NOD1: variants seen among roughly 807,000 people sequenced by gnomAD.
NOD1 encodes nucleotide-binding oligomerization domain-containing protein 1.
NOD1 carries 70 observed loss-of-function variants against 81.2 expected under a neutral mutation model. The observed-to-expected ratio is 0.86, with a 90% CI of 0.71 to 1.05. The LOEUF is 1.05. NOD1 is among the 50% of genes least tolerant of loss of function. NOD1 has a pLI of 0.00. For missense variants in NOD1, 1,233 were observed against 1,228.0 expected, an observed-to-expected ratio of 1.00 and a Z score of -0.06; for synonymous variants, 508 against 526.9, an observed-to-expected ratio of 0.96 and a Z score of 0.49.
rs1785649554 is a variant in NOD1 at position 30,451,140 on chromosome 7, CATG to C, written c.2201+73_2201+75del. ...TCATGAGTCCTGGGGGATCCTGGTC[CATG>C]ATGCCATTCCCGATGCCCTCCGAGC... On this transcript the variant is annotated intron_variant, in intron 6 of 13. Transcript: ENST00000222823. The surrounding 1 kb of genome is among the most constrained non-coding windows in gnomAD (Gnocchi z 4.2). 1.3e-6 allele frequency: 2 copies of C among 1,498,934 alleles called. No individual in the cohort carries two copies. Among genetic ancestry groups the C allele is most frequent in the Admixed American group, 1.9e-5 (1 of 51,554 alleles). 92.9% of individuals were successfully genotyped at this position (1,498,934 alleles called of 1,614,324 possible).
In NOD1 at chr7:30,452,007, G is replaced by GC; in HGVS notation, c.1409dup (p.Met471HisfsTer39). On this transcript the variant is annotated frameshift_variant, in exon 6 of 14. Transcript: ENST00000222823. LOFTEE classifies it high-confidence loss of function. ...TGAAGACAAAGAGGCTCTTCTCCAT[G>GC]CCCCGGTGGGCCACCTGCCCCAGCG... 2.5e-6 allele frequency: 4 copies of GC among 1,613,484 alleles called. No homozygotes were observed. Among genetic ancestry groups the GC allele is most frequent in the Non-Finnish European group, 3.4e-6 (4 of 1,179,968 alleles).
At chr7:30,425,780 G>T (rs1194092160) in intron 13 of NOD1, 70 bp from the exon 14 acceptor site, 4 of 1,039,514 alleles carry the variant, frequency 3.8e-6, no homozygotes, top group African/African-American at 1.6e-5. Flanking sequence ...CCTTCCCAAG[G>T]TGTGTTCATA....
chr7:30,426,605 G>T (rs741889), intron 13 of NOD1, among the ~76,000 whole-genome samples: 21,625 of 151,804 alleles, frequency 0.14, 3,709 homozygotes, highest in African/African-American at 0.42. Context: ...CTGATCACAT[G>T]CCTCTCCTGC....
intron 1 of NOD1, chr7:30,468,704 G>A (rs952695130): frequency 2.2e-6 from 1 of 459,618 alleles, no homozygotes; most frequent in African/African-American, 2.1e-5. Context: ...CAATTAGAGT[G>A]GGCTCCACCA....
At chr7:30,475,548 C>T (rs1164266292) in intron 1 of NOD1, among the ~76,000 whole-genome samples, 1 of 152,196 alleles carries the variant, frequency 6.6e-6, no homozygotes, top group Non-Finnish European at 1.5e-5. Flanking sequence ...GCTCTAAGGA[C>T]GTGCATCCCT....
chr7:30,431,121 T>C (rs2127992954), intron 12 of NOD1, among the ~76,000 whole-genome samples: 1 of 152,308 alleles, frequency 6.6e-6, no homozygotes, highest in South Asian at 2.1e-4. Flanking sequence ...CTGCCTTCAC[T>C]AGGGCCAGTG....
At chr7:30,457,090 G>A in intron 3 of NOD1, 48 bp from the exon 4 acceptor site, 1 of 621,588 alleles carries the variant, frequency 1.6e-6, no homozygotes, top group Non-Finnish European at 2.9e-6. Context: ...TACAGAAAGA[G>A]CTCACCCCAC....
chr7:30,431,889 G>C (rs1358226935), intron 12 of NOD1, among the ~76,000 whole-genome samples: 1 of 152,210 alleles, frequency 6.6e-6, no homozygotes, highest in Non-Finnish European at 1.5e-5. Context: ...TGGATCACCT[G>C]AGGTCAGGAG....
In NOD1 at chr7:30,451,150, T is replaced by C; in HGVS notation, c.2201+66A>G. ...TGGGGGATCCTGGTCCATGATGCCATTCCCGATGCCCTCCGAGCCTGGCCC... is the reference window on the plus strand; with the variant it reads ...TGGGGGATCCTGGTCCATGATGCCACTCCCGATGCCCTCCGAGCCTGGCCC... On this transcript the variant is annotated intron_variant, in intron 6 of 13. Coordinates refer to ENST00000222823, the MANE Select transcript of NOD1 (RefSeq NM_006092.4). This position sits in a 1 kb window ranked among gnomAD's most constrained non-coding sequence, Gnocchi z 4.2. 1 of 1,541,380 alleles carries C rather than the reference T, an allele frequency of 6.5e-7. No homozygotes were observed. The highest frequency in any genetic ancestry group is 1.2e-5 in the South Asian group (1 of 81,574).
Position 30,425,600 on chromosome 7 carries a change from C to T in NOD1, c.*38G>A. The T allele has an allele frequency of 6.6e-7, 1 of 1,507,028 alleles. No individual in the cohort carries two copies. Among genetic ancestry groups the T allele is most frequent in the Non-Finnish European group, 9.2e-7 (1 of 1,082,040 alleles). The allele number at this position is 1,507,028 out of a possible 1,614,324, so 93.4% of individuals were successfully genotyped here. ...CCCAGAGTGGCATTTGCTGCTGAGG[C>T]TCCAGGGCAAAAACCCCATGAACAG... On this transcript the variant is annotated 3_prime_UTR_variant, in exon 14 of 14. Coordinates refer to ENST00000222823, the MANE Select transcript of NOD1 (RefSeq NM_006092.4).
At chr7:30,474,810 C>G (rs757552671) in intron 1 of NOD1, among the ~76,000 whole-genome samples, 17 of 152,208 alleles carry the variant, frequency 1.1e-4, no homozygotes, top group Admixed American at 2.6e-4. Flanking sequence ...ATTGTTTCTT[C>G]CATTTCAGCC....
chr7:30,433,091 G>A lies in NOD1; in HGVS notation c.2705+5C>T. 6.2e-7 allele frequency: 1 copy of A among 1,603,252 alleles called. No homozygotes were observed. Among genetic ancestry groups the A allele is most frequent in the Non-Finnish European group, 8.5e-7 (1 of 1,170,336 alleles). On this transcript the variant is annotated splice_donor_5th_base_variant and intron_variant, in intron 12 of 13. Transcript: ENST00000222823. ...AGTCTGAAATTGTAAGGCTCTCTGA[G>A]TTACCATAAATGCTTTAACGTCTGG...
intron 11 of NOD1, among the ~76,000 whole-genome samples, chr7:30,433,676 A>G (rs751031304): frequency 1.3e-5 from 2 of 152,238 alleles, no homozygotes; most frequent in Non-Finnish European, 2.9e-5. Context: ...AAGTTCAGGA[A>G]GTCTCTCAAT....
chr7:30,439,661 C>T (rs1401197693), intron 9 of NOD1, among the ~76,000 whole-genome samples: 2 of 96,778 alleles, frequency 2.1e-5, no homozygotes, highest in Non-Finnish European at 3.9e-5. Flanking sequence ...AACTGCAAGG[C>T]GGCAACGAGG....
At chr7:30,432,638 G>A (rs902697469) in intron 12 of NOD1, among the ~76,000 whole-genome samples, 4 of 152,214 alleles carry the variant, frequency 2.6e-5, no homozygotes, top group Non-Finnish European at 5.9e-5. Flanking sequence ...AGCATGAACA[G>A]GAGTGTTCAC....
chr7:30,459,196 AAAC>A lies in NOD1; in HGVS notation c.-169_-167del, dbSNP rs142705650. ...CATTCTTTGAAGTTAGAATATTTTA[AAAC>A]AACATTGTTTAAATCTTCAATTTCC... On this transcript the variant is annotated 5_prime_UTR_variant, in exon 3 of 14. Coordinates refer to ENST00000222823, the MANE Select transcript of NOD1 (RefSeq NM_006092.4). 280 of 152,780 alleles carry A rather than the reference AAAC, an allele frequency of 1.8e-3. 1 individual carries two copies. The highest frequency in any genetic ancestry group is 6.8e-3 in the Middle Eastern group (2 of 294). The allele number at this position is 152,780 out of a possible 1,614,324, so 9.5% of individuals were successfully genotyped here.
intron 1 of NOD1, among the ~76,000 whole-genome samples, chr7:30,469,870 T>C (rs1215407431): frequency 6.6e-6 from 1 of 152,198 alleles, no homozygotes; most frequent in African/African-American, 2.4e-5. Context: ...CAGAGTAGCC[T>C]CCTCAGTAGC....
intron 1 of NOD1, among the ~76,000 whole-genome samples, chr7:30,465,114 C>T (rs1016782205): frequency 5.3e-5 from 8 of 152,138 alleles, no homozygotes; most frequent in African/African-American, 1.2e-4. Context: ...CAGGGGGGTG[C>T]CGTGGCTCTC....
intron 3 of NOD1, among the ~76,000 whole-genome samples, chr7:30,458,667 CA>C (rs1276865565): frequency 5.3e-5 from 8 of 150,632 alleles, no homozygotes; most frequent in African/African-American, 1.7e-4. Context: ...AGATCCTCAC[CA>C]AAAAAATTTA....
Sources: allele counts gnomAD v4.1 joint callset (sites outside exome capture counted in the v4.1 genomes callset), GRCh38; gene constraint gnomAD v4.1.1; non-coding constraint Gnocchi (gnomAD v3.1); transcripts MANE v1.5; gene names NCBI Gene and HGNC (gene_info 2026-07-23, HGNC 2026-07-21).